SORCS3: variants seen among roughly 807,000 people sequenced by gnomAD.
SORCS3 encodes the protein VPS10 domain-containing receptor SorCS3.
A neutral mutation model predicts 146.3 loss-of-function variants in SORCS3; 57 were observed. The ratio of observed to expected loss-of-function variants is 0.39; its 90% confidence interval spans 0.31 to 0.49. The LOEUF (loss-of-function observed/expected upper bound fraction) is 0.49. Ranked by LOEUF, SORCS3 falls within the 20% of genes least tolerant of loss-of-function variation. The probability of loss-of-function intolerance (pLI) is 0.92; values close to 1 mark genes in which losing one functional copy is unlikely to be tolerated. For missense variants in SORCS3, 1,341 were observed against 1,575.5 expected, an observed-to-expected ratio of 0.85 and a Z score of 2.52; for synonymous variants, 653 against 618.5, an observed-to-expected ratio of 1.06 and a Z score of -0.83.
chr10:104,729,973 C>T (rs1370307213), intron 1 of SORCS3, among the ~76,000 whole-genome samples: 3 of 152,166 alleles, frequency 2.0e-5, no homozygotes, highest in Non-Finnish European at 4.4e-5. Flanking sequence ...TTGACCTTAT[C>T]AAGTTTTCTG....
At chr10:104,995,449 C>T (rs2055021273) in intron 4 of SORCS3, among the ~76,000 whole-genome samples, 1 of 152,176 alleles carries the variant, frequency 6.6e-6, no homozygotes, top group Non-Finnish European at 1.5e-5. Context: ...TGAGCCACCA[C>T]ACCCAGCTAA....
At chr10:105,016,973 G>A (rs55869612) in intron 4 of SORCS3, among the ~76,000 whole-genome samples, 5,666 of 152,288 alleles carry the variant, frequency 0.037, 170 homozygotes, top group East Asian at 0.15. Context: ...TTGGAATCAA[G>A]AGAGCAGTGT....
chr10:105,157,414 G>A (rs1401734679), intron 10 of SORCS3, 130 bp downstream of exon 10: 2 of 1,076,502 alleles, frequency 1.9e-6, no homozygotes, highest in African/African-American at 3.2e-5. Flanking sequence ...TCTAAAACTT[G>A]CAGGGCATTG....
At chr10:104,944,147 A>G (rs566839752) in intron 3 of SORCS3, among the ~76,000 whole-genome samples, 2 of 152,336 alleles carry the variant, frequency 1.3e-5, no homozygotes, top group East Asian at 3.9e-4. Flanking sequence ...AAATATAACT[A>G]GGTCTATTAA....
intron 1 of SORCS3, among the ~76,000 whole-genome samples, chr10:104,739,995 A>G (rs2016821857): frequency 1.3e-5 from 2 of 152,220 alleles, no homozygotes. Flanking sequence ...GTGAACAGGA[A>G]AGACCTGGAC....
At chr10:105,051,567 G>T (rs2133711062) in intron 5 of SORCS3, among the ~76,000 whole-genome samples, 1 of 152,218 alleles carries the variant, frequency 6.6e-6, no homozygotes. Flanking sequence ...CCATGACAGA[G>T]CCAGAGTTAA....
chr10:104,954,984 T>A (rs1214715872), intron 3 of SORCS3, among the ~76,000 whole-genome samples: 1 of 152,230 alleles, frequency 6.6e-6, no homozygotes, highest in Non-Finnish European at 1.5e-5. Flanking sequence ...GAAATTCACA[T>A]AAAATTAACT....
At chr10:104,743,244 G>C (rs1351577926) in intron 1 of SORCS3, among the ~76,000 whole-genome samples, 1 of 152,196 alleles carries the variant, frequency 6.6e-6, no homozygotes, top group African/African-American at 2.4e-5. Context: ...GCATAACTCA[G>C]TCTTTGCATC....
At chr10:105,107,015 T>G (rs1251959179) in intron 7 of SORCS3, among the ~76,000 whole-genome samples, 2 of 152,142 alleles carry the variant, frequency 1.3e-5, no homozygotes, top group African/African-American at 2.4e-5. Context: ...TTGATGACTT[T>G]CAAGTCAGTG....
chr10:104,735,458 T>TTTTTTTTTTTTTTTTTTTTTTG (rs2016758632), intron 1 of SORCS3, among the ~76,000 whole-genome samples: 3 of 129,670 alleles, frequency 2.3e-5, no homozygotes, highest in Admixed American at 7.9e-5. Flanking sequence ...CACCGTCTGT[T>TTTTTTTTTTTTTTTTTTTTTTG]TTTTTTTTTT....
Position 105,110,203 on chromosome 10 carries a change from G to T in SORCS3, c.1212+4688G>T, listed in dbSNP as rs1429368669. ...TTGTTTAACTTCTTTTCTGAGCTTT[G>T]CCAGTTTATATTGTGTCTCTTTCTC... On this transcript the variant is annotated intron_variant, in intron 7 of 26. Coordinates refer to ENST00000369701, the MANE Select transcript of SORCS3 (RefSeq NM_014978.3). 2.3e-3 allele frequency among the ~76,000 whole-genome samples: 348 copies of T among 149,470 alleles called. 1 individual carries two copies. The highest frequency in any genetic ancestry group is 8.0e-3 in the African/African-American group (326 of 40,634).
At chr10:104,776,058 G>A (rs888019571) in intron 1 of SORCS3, among the ~76,000 whole-genome samples, 2 of 152,148 alleles carry the variant, frequency 1.3e-5, no homozygotes, top group Non-Finnish European at 2.9e-5. Context: ...AGTGTGACTG[G>A]GGAGACAGAC....
intron 4 of SORCS3, among the ~76,000 whole-genome samples, chr10:105,002,459 G>A (rs996903012): frequency 6.6e-5 from 10 of 152,200 alleles, no homozygotes; most frequent in Admixed American, 6.5e-4. Context: ...TGCCTACCCT[G>A]CATCAGGCAC....
chr10:105,175,247 G>C (rs1259961365), intron 13 of SORCS3, among the ~76,000 whole-genome samples: 1 of 143,762 alleles, frequency 7.0e-6, no homozygotes, highest in Non-Finnish European at 1.5e-5. Flanking sequence ...ATTTAGTAGA[G>C]ACAGGGCTTC....
At position 104,722,218 on chromosome 10, in the gene SORCS3, T is replaced by C. The variant is rs541487831; in HGVS notation, c.627+80264T>C. Among the ~76,000 whole-genome samples the C allele has an allele frequency of 4.7e-3, 716 of 152,332 alleles. 1 individual carries two copies. Among genetic ancestry groups the C allele is most frequent in the Non-Finnish European group, 7.8e-3 (532 of 68,022 alleles). ...GTTGAATTTTGTCAAAGGCCTTTTC[T>C]GCATCTATTGAGATAATCATTTGGT... On this transcript the variant is annotated intron_variant, in intron 1 of 26. Coordinates refer to ENST00000369701, the MANE Select transcript of SORCS3 (RefSeq NM_014978.3).
chr10:104,794,236 C>T (rs538316724), intron 1 of SORCS3, among the ~76,000 whole-genome samples: 3 of 152,224 alleles, frequency 2.0e-5, no homozygotes, highest in African/African-American at 4.8e-5. Context: ...TGTCAGGCCT[C>T]GTGTCCAGGT....
intron 1 of SORCS3, among the ~76,000 whole-genome samples, chr10:104,735,456 G>GTTTTTTGTTTTTTTT (rs556829469): frequency 2.9e-5 from 1 of 34,994 alleles, no homozygotes; most frequent in Non-Finnish European, 4.8e-5. Flanking sequence ...CTCACCGTCT[G>GTTTTTTGTTTTTTTT]TTTTTTTTTT....
chr10:105,064,802 T>G (rs531813729), intron 5 of SORCS3, among the ~76,000 whole-genome samples: 2 of 152,216 alleles, frequency 1.3e-5, no homozygotes, highest in Non-Finnish European at 2.9e-5. Context: ...GCCCACTGAG[T>G]GATGCCTGCC....
At chr10:104,648,042 G>A (rs2015515229) in intron 1 of SORCS3, among the ~76,000 whole-genome samples, 1 of 152,224 alleles carries the variant, frequency 6.6e-6, no homozygotes, top group Non-Finnish European at 1.5e-5. Flanking sequence ...ACATGCTTTG[G>A]ATGTGAGACT....
Sources: allele counts gnomAD v4.1 joint callset (sites outside exome capture counted in the v4.1 genomes callset), GRCh38; gene constraint gnomAD v4.1.1; transcripts MANE v1.5; gene names NCBI Gene and HGNC (gene_info 2026-07-23, HGNC 2026-07-21).